Variants in MYOM1 observed in about 807,000 individuals in gnomAD.
MYOM1 encodes the protein myomesin-1.
Under a neutral mutation model 205.3 loss-of-function variants are expected in MYOM1, and 164 were observed. The observed-to-expected ratio is 0.80, with a 90% confidence interval of 0.70 to 0.91. The LOEUF is 0.91. Ranked by LOEUF, MYOM1 falls within the 40% of genes least tolerant of loss-of-function variation. The pLI is 0.00. For synonymous variants in MYOM1, 772 were observed against 789.4 expected (o/e 0.98, Z 0.37); for missense variants, 2,011 against 2,127.3 (o/e 0.95, Z 1.08).
intron 13 of MYOM1, among the ~76,000 whole-genome samples, chr18:3,144,720 C>A (rs1249254984): frequency 6.6e-6 from 1 of 152,038 alleles, no homozygotes; most frequent in African/African-American, 2.4e-5. Flanking sequence ...AAAAACATTA[C>A]CATGGGTAAA....
At chr18:3,163,281 T>C (rs1330532651) in intron 10 of MYOM1, among the ~76,000 whole-genome samples, 1 of 152,150 alleles carries the variant, frequency 6.6e-6, no homozygotes, top group African/African-American at 2.4e-5. Flanking sequence ...TAAACTGAGA[T>C]GGCTGGTATC....
At position 3,188,979 on chromosome 18, in the gene MYOM1, T is replaced by C. The variant is rs780272223; in HGVS notation, c.540A>G (p.Thr180=). ...GCTTGGATGCCGTGGACTGTTTAGA[T>C]GTTGTGATTCCTTCCTCACTAGCAA... The part of the protein sequence containing the change: ...NLLASEEGIT[T]SKQSTASKQT... The change falls in exon 4 of 38, where the codon ACA becomes ACG. Residue 180 remains threonine (T), a synonymous_variant. Coordinates refer to ENST00000356443, the MANE Select transcript of MYOM1 (RefSeq NM_003803.4). The C allele has an allele frequency of 6.2e-7, 1 of 1,613,526 alleles. No individual in the cohort carries two copies. The highest frequency in any genetic ancestry group is 8.5e-7 in the Non-Finnish European group (1 of 1,179,808).
chr18:3,068,314 G>C (rs1392521464), intron 37 of MYOM1, among the ~76,000 whole-genome samples: 1 of 151,764 alleles, frequency 6.6e-6, no homozygotes, highest in African/African-American at 2.4e-5. Flanking sequence ...CTGGTATGCT[G>C]TCTACCCAGC....
At chr18:3,199,020 C>T (rs1003251399) in intron 2 of MYOM1, among the ~76,000 whole-genome samples, 2 of 152,062 alleles carry the variant, frequency 1.3e-5, no homozygotes, top group African/African-American at 2.4e-5. Flanking sequence ...CAATCAAAGG[C>T]GTACACTACA....
At chr18:3,091,288 C>T (rs1269188086) in intron 26 of MYOM1, among the ~76,000 whole-genome samples, 2 of 151,880 alleles carry the variant, frequency 1.3e-5, no homozygotes, top group African/African-American at 2.4e-5. Flanking sequence ...TGCACTCCAG[C>T]CTGGGCAACA....
intron 37 of MYOM1, among the ~76,000 whole-genome samples, chr18:3,070,763 T>A (rs2078950016): frequency 6.7e-6 from 1 of 149,710 alleles, no homozygotes; most frequent in South Asian, 2.1e-4. Flanking sequence ...TGTGTGTGTG[T>A]GTGTGTGTGT....
chr18:3,154,969 T>A lies in MYOM1; in HGVS notation c.1621A>T (p.Ile541Phe). The change falls in exon 11 of 38, where the codon ATT (isoleucine) becomes TTT (phenylalanine). Residue 541 changes from isoleucine to phenylalanine, a missense_variant. Transcript: ENST00000356443. ...AACTTATCAATAAAATATCCGAGAA[T>A]AGGACTCCCTCCATCGACAGCTGGC... is the stretch of plus-strand genomic sequence containing the variant. ...KQPAVDGGSPILGYFIDKCEV... is the reference protein window; with the variant it reads ...KQPAVDGGSPFLGYFIDKCEV... 6.2e-7 allele frequency: 1 copy of A among 1,612,366 alleles called. No homozygotes were observed. The highest frequency in any genetic ancestry group is 1.1e-5 in the South Asian group (1 of 90,576).
Position 3,067,204 on chromosome 18 carries a change from A to G in MYOM1, c.*58T>C. On this transcript the variant is annotated 3_prime_UTR_variant, in exon 38 of 38. Coordinates refer to ENST00000356443, the MANE Select transcript of MYOM1 (RefSeq NM_003803.4). ...GAAAGCATGAAGACGTCTCATCCTT[A>G]ACCCAAACCATTCACACCCAAGTCA... The G allele has an allele frequency of 6.6e-7, 1 of 1,512,898 alleles. No individual in the cohort carries two copies. Among genetic ancestry groups the G allele is most frequent in the Non-Finnish European group, 8.9e-7 (1 of 1,121,682 alleles). The allele number at this position is 1,512,898 out of a possible 1,614,324, so 93.7% of individuals were successfully genotyped here.
chr18:3,147,534 A>G (rs975729839), intron 13 of MYOM1, among the ~76,000 whole-genome samples: 12 of 152,160 alleles, frequency 7.9e-5, no homozygotes, highest in South Asian at 2.1e-4. Context: ...TTTGGGGGGG[A>G]AAAACCCAAC....
rs2079933119 is a variant in MYOM1 at position 3,134,836 on chromosome 18, G to T, written c.2210-12C>A. On this transcript the variant is annotated splice_polypyrimidine_tract_variant and intron_variant, in intron 15 of 37. Transcript: ENST00000356443. ...AGCCTTGGGGATATCTGAGAAAGAGGAAAATGGTGATCAAACTCAAGTGGT... is the reference window on the plus strand; with the variant it reads ...AGCCTTGGGGATATCTGAGAAAGAGTAAAATGGTGATCAAACTCAAGTGGT... 1 of 1,613,728 alleles carries T rather than the reference G, an allele frequency of 6.2e-7. No individual in the cohort carries two copies. Among genetic ancestry groups the T allele is most frequent in the Admixed American group, 1.7e-5 (1 of 59,988 alleles).
At chr18:3,075,327 C>A (rs2079009020) in intron 36 of MYOM1, 127 bp downstream of exon 36, 1 of 840,522 alleles carries the variant, frequency 1.2e-6, no homozygotes, top group African/African-American at 1.7e-5. Flanking sequence ...ATGTAGAACA[C>A]CTAAGATTTA....
chr18:3,176,756 C>T (rs1023020954), intron 5 of MYOM1, among the ~76,000 whole-genome samples: 4 of 152,036 alleles, frequency 2.6e-5, no homozygotes, highest in Admixed American at 6.6e-5. Flanking sequence ...GTAGCACACA[C>T]CTGTAATCCC....
chr18:3,227,177 T>G, the MYOM1 span, among the ~76,000 whole-genome samples: 1 of 150,572 alleles, frequency 6.6e-6, no homozygotes, highest in South Asian at 2.1e-4. Context: ...TTCTCTTTCT[T>G]TTGTTTTTTT....
rs1791065 is a variant in MYOM1, at chr18:3,219,506, C to G, written c.-29+297G>C. On this transcript the variant is annotated intron_variant, in intron 1 of 37. Transcript: ENST00000356443. The surrounding 1 kb of genome is among the most constrained non-coding windows in gnomAD (Gnocchi z 4.4). The stretch of plus-strand genomic sequence containing the variant: ...TCAACCAAACCGTACTTGGAAATAG[C>G]ATTAAACACACGCTTACAGTTCAAT... 3.7e-3 allele frequency among the ~76,000 whole-genome samples: 562 copies of G among 152,290 alleles called. 6 individuals carry two copies. Among genetic ancestry groups the G allele is most frequent in the African/African-American group, 0.013 (541 of 41,564 alleles).
Position 3,090,781 on chromosome 18 carries a change from G to A in MYOM1, c.3886C>T (p.Arg1296Ter), listed in dbSNP as rs761289389. ...EGPKYKMHID[R>*]NTGIIEMFME... ...AACATTTCGATGATGCCAGTGTTTC[G>A]GTCAATATGCATTTTATATTTCTTC... is the stretch of plus-strand genomic sequence containing the variant. The change falls in exon 27 of 38, where the codon CGA becomes TGA. Residue 1296 changes from arginine to a stop codon, truncating the protein, a stop_gained. Transcript: ENST00000356443. LOFTEE classifies it high-confidence loss of function. The A allele has an allele frequency of 1.9e-5, 31 of 1,613,590 alleles. No homozygotes were observed. Among genetic ancestry groups the A allele is most frequent in the Non-Finnish European group, 2.4e-5 (28 of 1,179,772 alleles).
chr18:3,159,153 T>C (rs2080344848), intron 10 of MYOM1, among the ~76,000 whole-genome samples: 1 of 152,376 alleles, frequency 6.6e-6, no homozygotes, highest in South Asian at 2.1e-4. Context: ...TAACACTGGA[T>C]ACCTGTGGGT....
intron 30 of MYOM1, among the ~76,000 whole-genome samples, chr18:3,085,599 T>C (rs28680473): frequency 0.038 from 5,711 of 152,244 alleles, 139 homozygotes; most frequent in African/African-American, 0.069. Flanking sequence ...TGAGGCTTAA[T>C]GTCCTTACTT....
intron 22 of MYOM1, among the ~76,000 whole-genome samples, chr18:3,109,995 T>A (rs1182185119): frequency 6.6e-6 from 1 of 152,122 alleles, no homozygotes; most frequent in African/African-American, 2.4e-5. Flanking sequence ...TAAAATGAAC[T>A]ATTTGGAAAT....
chr18:3,100,783 A>T (rs1376154786), intron 23 of MYOM1, among the ~76,000 whole-genome samples: 3 of 152,040 alleles, frequency 2.0e-5, no homozygotes, highest in African/African-American at 7.2e-5. Context: ...GCTGTTGGTA[A>T]CTCTGGGTGC....
Sources: allele counts gnomAD v4.1 joint callset (sites outside exome capture counted in the v4.1 genomes callset), GRCh38; gene constraint gnomAD v4.1.1; non-coding constraint Gnocchi (gnomAD v3.1); transcripts MANE v1.5; gene names NCBI Gene and HGNC (gene_info 2026-07-23, HGNC 2026-07-21).